LRP12: variants seen among roughly 807,000 people sequenced by gnomAD.
LRP12 encodes the protein low-density lipoprotein receptor-related protein 12.
In LRP12, 14 loss-of-function variants were observed where a neutral mutation model predicts 66.0. That is an observed-to-expected ratio of 0.21 (90% confidence interval 0.14 to 0.33). The LOEUF is 0.33. LRP12 is among the 10% of genes least tolerant of loss of function. The pLI is 1.00. For synonymous variants in LRP12, 357 were observed against 359.1 expected (o/e 0.99, Z 0.07); for missense variants, 889 against 1,053.4 (o/e 0.84, Z 2.16).
intron 1 of LRP12, among the ~76,000 whole-genome samples, chr8:104,551,644 G>A (rs1016045387): frequency 5.9e-5 from 9 of 152,230 alleles, no homozygotes; most frequent in South Asian, 2.1e-4. Flanking sequence ...ATCCTCTTAC[G>A]ATTATGGCCT....
intron 1 of LRP12, chr8:104,566,200 GA>G (rs1812002051): frequency 2.9e-6 from 2 of 685,060 alleles, no homozygotes; most frequent in Admixed American, 3.0e-5. Flanking sequence ...GCAAATCCCT[GA>G]AAATGCAGCA....
Position 104,589,039 on chromosome 8 carries a change from G to A in LRP12, c.-142C>T, listed in dbSNP as rs1292291014. 3 of 454,106 alleles carry A rather than the reference G, an allele frequency of 6.6e-6. No homozygotes were observed. Among genetic ancestry groups the A allele is most frequent in the Non-Finnish European group, 7.1e-6 (2 of 281,528 alleles). 28.1% of individuals were successfully genotyped at this position (454,106 alleles called of 1,614,324 possible). A position where few individuals can be genotyped will look rare whatever the true frequency, so the allele number is the denominator to read the frequency against. On this transcript the variant is annotated 5_prime_UTR_variant, in exon 1 of 7. Coordinates refer to ENST00000276654, the MANE Select transcript of LRP12 (RefSeq NM_013437.5). Reference sequence around the variant, plus strand: ...CCCTGCGCTCTCCGCGGCTGCGGGAGGGGGAAGGGAGGGGCCGCCGCCGCC... The same window carrying A: ...CCCTGCGCTCTCCGCGGCTGCGGGAAGGGGAAGGGAGGGGCCGCCGCCGCC...
rs370305595 is a variant in LRP12, at chr8:104,538,739, T to C, written c.80-6776A>G. On this transcript the variant is annotated intron_variant, in intron 1 of 6. Transcript: ENST00000276654. ...CTGACTAACAGAACTTCCCACACGA[T>C]GGAACTGTTCTATCAAGGCACTGCC... Among the ~76,000 whole-genome samples, 52 of 152,312 alleles carry C rather than the reference T, an allele frequency of 3.4e-4. No individual in the cohort carries two copies. The East Asian group carries it at 7.1e-3, about 21-fold the overall frequency.
intron 3 of LRP12, chr8:104,504,948 T>G (rs1273780004): frequency 6.6e-6 from 1 of 152,232 alleles, no homozygotes; most frequent in Non-Finnish European, 1.5e-5. Context: ...TCAATTACAA[T>G]GGATGTTAAT....
At position 104,491,543 on chromosome 8, in the gene LRP12, C is replaced by T. The variant is rs1564127590; in HGVS notation, c.1714-4G>A. 2.6e-6 allele frequency: 4 copies of T among 1,511,476 alleles called. No homozygotes were observed. In the East Asian group the frequency reaches 9.6e-5, roughly 36 times the overall value. The allele number at this position is 1,511,476 out of a possible 1,614,324, so 93.6% of individuals were successfully genotyped here. ...TCAGATTTTCCAAAACAGAAGCCTA[C>T]AAAAATAAGAAAAGATCTTAAGATA... On this transcript the variant is annotated splice_polypyrimidine_tract_variant and splice_region_variant and intron_variant, in intron 6 of 6. Coordinates refer to ENST00000276654, the MANE Select transcript of LRP12 (RefSeq NM_013437.5).
At chr8:104,533,838 T>C (rs1811360360) in intron 1 of LRP12, among the ~76,000 whole-genome samples, 1 of 151,944 alleles carries the variant, frequency 6.6e-6, no homozygotes, top group Non-Finnish European at 1.5e-5. Flanking sequence ...AAACATGAAA[T>C]CTTTTTTCCA....
Position 104,517,405 on chromosome 8 carries a change from C to G in LRP12, c.137-8331G>C, listed in dbSNP as rs537976094. Among the ~76,000 whole-genome samples the G allele has an allele frequency of 2.2e-4, 34 of 151,940 alleles. 2 individuals are homozygous for G. The highest frequency in any genetic ancestry group is 2.2e-3 in the Admixed American group (33 of 15,216). ...TGGTAGAGCCACAGAAAAGCATACT[C>G]TAAACTAGTTAAAAGAATTTAATGA... is the stretch of plus-strand genomic sequence containing the variant. On this transcript the variant is annotated intron_variant, in intron 2 of 6. Transcript: ENST00000276654.
chr8:104,494,696 A>C (rs985252835), intron 6 of LRP12, among the ~76,000 whole-genome samples: 3 of 152,208 alleles, frequency 2.0e-5, no homozygotes, highest in Non-Finnish European at 4.4e-5. Flanking sequence ...ACTTCATTTT[A>C]ATTACTTTTA....
chr8:104,583,093 T>C (rs953749801), intron 1 of LRP12, among the ~76,000 whole-genome samples: 8 of 152,170 alleles, frequency 5.3e-5, no homozygotes, highest in Non-Finnish European at 1.2e-4. Context: ...ATCTCTCACC[T>C]GGATTACAGC....
intron 2 of LRP12, among the ~76,000 whole-genome samples, chr8:104,527,339 C>T: frequency 6.7e-6 from 1 of 149,430 alleles, no homozygotes; most frequent in Non-Finnish European, 1.5e-5. Context: ...TGGGTATATA[C>T]TCAAAGGACT....
At chr8:104,510,135 C>CTACTTTG (rs1810969694) in intron 2 of LRP12, among the ~76,000 whole-genome samples, 1 of 152,074 alleles carries the variant, frequency 6.6e-6, no homozygotes, top group South Asian at 2.1e-4. Flanking sequence ...ATTTGCTTAC[C>CTACTTTG]TACTTTGTTT....
At chr8:104,518,484 C>T (rs1215231336) in intron 2 of LRP12, among the ~76,000 whole-genome samples, 1 of 151,892 alleles carries the variant, frequency 6.6e-6, no homozygotes, top group Non-Finnish European at 1.5e-5. Context: ...GAAAAATTAC[C>T]AGGGAGGTGG....
At chr8:104,546,926 TTA>T (rs1450624900) in intron 1 of LRP12, among the ~76,000 whole-genome samples, 1 of 145,030 alleles carries the variant, frequency 6.9e-6, no homozygotes, top group Non-Finnish European at 1.5e-5. Context: ...TTATATATAA[TTA>T]TATATTATAT....
intron 1 of LRP12, among the ~76,000 whole-genome samples, chr8:104,581,578 T>G (rs1183830691): frequency 6.6e-6 from 1 of 152,042 alleles, no homozygotes; most frequent in Non-Finnish European, 1.5e-5. Context: ...CTGAGTTTAA[T>G]TTATATTTTA....
Position 104,531,981 on chromosome 8 carries a change from G to A in LRP12, c.80-18C>T, listed in dbSNP as rs1368970813. On this transcript the variant is annotated intron_variant, in intron 1 of 6. Transcript: ENST00000276654. ...ACCATTTCCTAAAATTAAACATAAT[G>A]AATAAACTAATATCCAAGATAAAAT... 1 of 1,534,990 alleles carries A rather than the reference G, an allele frequency of 6.5e-7. No individual in the cohort carries two copies. The highest frequency in any genetic ancestry group is 8.9e-7 in the Non-Finnish European group (1 of 1,126,828).
At chr8:104,492,445 A>T (rs1810650915) in intron 6 of LRP12, among the ~76,000 whole-genome samples, 1 of 152,202 alleles carries the variant, frequency 6.6e-6, no homozygotes, top group Admixed American at 6.5e-5. Context: ...CAAACTTGAA[A>T]CAGCTTTCAC....
intron 3 of LRP12, among the ~76,000 whole-genome samples, chr8:104,500,571 T>C (rs1330812622): frequency 6.6e-6 from 1 of 152,016 alleles, no homozygotes; most frequent in African/African-American, 2.4e-5. Context: ...GGCATGATGG[T>C]ATGTGCCTGT....
chr8:104,502,229 A>T (rs1429096920), intron 3 of LRP12, among the ~76,000 whole-genome samples: 3 of 152,168 alleles, frequency 2.0e-5, no homozygotes, highest in Non-Finnish European at 4.4e-5. Context: ...AGTTTCATTA[A>T]AAATCTCAAG....
chr8:104,543,612 T>C (rs1252185763), intron 1 of LRP12, among the ~76,000 whole-genome samples: 1 of 152,150 alleles, frequency 6.6e-6, no homozygotes, highest in Non-Finnish European at 1.5e-5. Context: ...CTCACACATT[T>C]CTCACTTTAA....
Sources: allele counts gnomAD v4.1 joint callset (sites outside exome capture counted in the v4.1 genomes callset), GRCh38; gene constraint gnomAD v4.1.1; transcripts MANE v1.5; gene names NCBI Gene and HGNC (gene_info 2026-07-23, HGNC 2026-07-21).